Variants in MYO3B observed in about 807,000 individuals in gnomAD.
MYO3B encodes myosin IIIB.
A neutral mutation model predicts 174.6 loss-of-function variants in MYO3B; 156 were observed. The ratio of observed to expected loss-of-function variants is 0.89; its 90% CI spans 0.78 to 1.02. The LOEUF (loss-of-function observed/expected upper bound fraction) is 1.02, where lower values mean the gene tolerates loss of function less well. MYO3B is among the 50% of genes least tolerant of loss of function. MYO3B has a pLI of 0.00. For synonymous variants in MYO3B, 563 were observed against 569.1 expected, an observed-to-expected ratio of 0.99 and a Z score of 0.15; for missense variants, 1,632 against 1,639.4, an observed-to-expected ratio of 1.00 and a Z score of 0.08.
At chr2:170,627,722 G>T (rs1241587061) in intron 32 of MYO3B, among the ~76,000 whole-genome samples, 1 of 151,874 alleles carries the variant, frequency 6.6e-6, no homozygotes, top group Non-Finnish European at 1.5e-5. Flanking sequence ...CTACAGATGG[G>T]GTTTTGGTGT....
At chr2:170,296,583 TG>T in intron 7 of MYO3B, among the ~76,000 whole-genome samples, 1 of 152,090 alleles carries the variant, frequency 6.6e-6, no homozygotes, top group Non-Finnish European at 1.5e-5. Context: ...TGGGGAGGTA[TG>T]GGGGTCTTCA....
intron 17 of MYO3B, among the ~76,000 whole-genome samples, chr2:170,400,652 C>T (rs1053228328): frequency 7.1e-6 from 1 of 140,462 alleles, no homozygotes; most frequent in Non-Finnish European, 1.5e-5. Context: ...ATCCACCCCC[C>T]CCCCCTCGGC....
chr2:170,478,889 T>TACACACACACAC lies in MYO3B; in HGVS notation c.3014+12203_3014+12214dup, dbSNP rs143792197. ...GCCTGGCCCATATATAGGTTTTACATACACACACACACACACACACACACA... is the reference window on the plus strand; with the variant it reads ...GCCTGGCCCATATATAGGTTTTACATACACACACACACACACACACACACACACACACACACA... On this transcript the variant is annotated intron_variant, in intron 25 of 34. Transcript: ENST00000408978. Among the ~76,000 whole-genome samples, 1,206 of 137,286 alleles carry TACACACACACAC rather than the reference T, an allele frequency of 8.8e-3. 19 individuals are homozygous for TACACACACACAC. Among genetic ancestry groups the TACACACACACAC allele is most frequent in the African/African-American group, 0.031 (1,132 of 36,104 alleles). The allele number at this position is 137,286 out of a possible 152,430, so 90.1% of individuals were successfully genotyped here. A position where few individuals can be genotyped will look rare whatever the true frequency, so the allele number is the denominator to read the frequency against.
At chr2:170,455,496 A>G (rs573582588) in intron 23 of MYO3B, among the ~76,000 whole-genome samples, 111 of 152,356 alleles carry the variant, frequency 7.3e-4, no homozygotes, top group Middle Eastern at 3.4e-3. Context: ...TGGGAATTCT[A>G]CCTAAAATAT....
intron 8 of MYO3B, among the ~76,000 whole-genome samples, chr2:170,366,614 C>A (rs78134586): frequency 7.9e-5 from 12 of 152,156 alleles, no homozygotes; most frequent in Non-Finnish European, 1.6e-4. Flanking sequence ...TTGATCATTG[C>A]TTCCAGAAAG....
At chr2:170,532,962 A>T (rs1689455154) in intron 30 of MYO3B, among the ~76,000 whole-genome samples, 1 of 152,210 alleles carries the variant, frequency 6.6e-6, no homozygotes, top group Admixed American at 6.5e-5. Context: ...AGGAATATAT[A>T]GGATTCCTTA....
intron 7 of MYO3B, among the ~76,000 whole-genome samples, chr2:170,308,336 G>A (rs1298660898): frequency 6.6e-6 from 1 of 152,192 alleles, no homozygotes; most frequent in African/African-American, 2.4e-5. Flanking sequence ...AGAAATGATT[G>A]CTTCCTGTAA....
intron 32 of MYO3B, among the ~76,000 whole-genome samples, chr2:170,593,100 G>A (rs1693921515): frequency 6.6e-6 from 1 of 151,982 alleles, no homozygotes; most frequent in African/African-American, 2.4e-5. Flanking sequence ...TAGATTTCTA[G>A]AAAGAGAGAG....
chr2:170,433,463 G>C (rs1200723972), intron 22 of MYO3B, among the ~76,000 whole-genome samples: 1 of 152,208 alleles, frequency 6.6e-6, no homozygotes, highest in Non-Finnish European at 1.5e-5. Context: ...TTCAAAGCCA[G>C]AGTTGTCAGT....
chr2:170,412,471 G>C (rs1168514803), intron 22 of MYO3B: 1 of 152,124 alleles, frequency 6.6e-6, no homozygotes, highest in Non-Finnish European at 1.5e-5. Flanking sequence ...GAAGACTCAG[G>C]TCTCTTCCAT....
chr2:170,201,977 C>G (rs1189206970), intron 3 of MYO3B, among the ~76,000 whole-genome samples: 1 of 152,158 alleles, frequency 6.6e-6, no homozygotes, highest in Non-Finnish European at 1.5e-5. Flanking sequence ...TTTCGAGGGC[C>G]TAAAAAGGAG....
intron 32 of MYO3B, among the ~76,000 whole-genome samples, chr2:170,553,694 G>C (rs1376926833): frequency 1.3e-5 from 2 of 152,174 alleles, no homozygotes; most frequent in African/African-American, 4.8e-5. Context: ...TTTGAAATGT[G>C]AGAAGGACAT....
intron 7 of MYO3B, among the ~76,000 whole-genome samples, chr2:170,248,576 T>C (rs1182732256): frequency 6.6e-6 from 1 of 152,120 alleles, no homozygotes; most frequent in Non-Finnish European, 1.5e-5. Context: ...GAGAATCTGT[T>C]TTCTTGCCTT....
intron 32 of MYO3B, among the ~76,000 whole-genome samples, chr2:170,641,858 T>TGGGGGGGGGGG (rs71008706): frequency 3.5e-5 from 1 of 28,858 alleles, no homozygotes; most frequent in Non-Finnish European, 4.9e-5. Context: ...TATTGTTAAG[T>TGGGGGGGGGGG]GGGGGGGGGG....
At chr2:170,250,041 TA>T (rs2093234329) in intron 7 of MYO3B, among the ~76,000 whole-genome samples, 1 of 152,168 alleles carries the variant, frequency 6.6e-6, no homozygotes, top group Non-Finnish European at 1.5e-5. Flanking sequence ...AAGAAATCAT[TA>T]AAAAATTCAA....
chr2:170,213,611 A>G (rs1462346069), intron 3 of MYO3B, among the ~76,000 whole-genome samples: 1 of 152,212 alleles, frequency 6.6e-6, no homozygotes, highest in Non-Finnish European at 1.5e-5. Context: ...ATAAAACAAT[A>G]TAAAACAATA....
intron 7 of MYO3B, among the ~76,000 whole-genome samples, chr2:170,301,917 T>C (rs6433193): frequency 0.99 from 137,103 of 138,428 alleles, 67,892 homozygotes; most frequent in Non-Finnish European, 1. Flanking sequence ...TGGATTTTCC[T>C]TCTCAGTCAC....
chr2:170,221,513 A>G (rs2092900701), intron 6 of MYO3B, among the ~76,000 whole-genome samples: 1 of 152,190 alleles, frequency 6.6e-6, no homozygotes, highest in African/African-American at 2.4e-5. Context: ...AAGCTGCAGC[A>G]TGAAATGACT....
chr2:170,228,126 A>T (rs1482727503), intron 6 of MYO3B, among the ~76,000 whole-genome samples: 1 of 152,132 alleles, frequency 6.6e-6, no homozygotes, highest in African/African-American at 2.4e-5. Context: ...CATAGCGTAG[A>T]TGTTACTGTG....
Sources: gnomAD v4.1 joint callset for allele counts (sites outside exome capture counted in the v4.1 genomes callset) on GRCh38, gnomAD v4.1.1 for gene constraint, MANE v1.5 for transcripts, NCBI Gene and HGNC (gene_info 2026-07-23, HGNC 2026-07-21) for gene names.